Variants in DST observed in about 807,000 individuals in gnomAD.
The protein encoded by DST is dystonin.
A neutral mutation model predicts 875.2 loss-of-function variants in DST; 253 were observed. The ratio of observed to expected loss-of-function variants is 0.29; its 90% confidence interval spans 0.26 to 0.32. DST has a LOEUF of 0.32. DST is among the 10% of genes least tolerant of loss of function. The pLI is 1.00. For missense variants in DST, 8,287 were observed against 9,111.6 expected (o/e 0.91, Z 3.68); for synonymous variants, 3,124 against 3,197.1 (o/e 0.98, Z 0.77).
At chr6:56,768,395 T>G in intron 4 of DST, among the ~76,000 whole-genome samples, 1 of 152,092 alleles carries the variant, frequency 6.6e-6, no homozygotes, top group Non-Finnish European at 1.5e-5. Context: ...CCACACAAAT[T>G]TAGTAAAGTG....
rs1587154269 is a variant in DST at position 56,630,244 on chromosome 6, C to T, written c.4281+1G>A. On this transcript the variant is annotated splice_donor_variant, in intron 31 of 103. Coordinates refer to ENST00000680361, the MANE Select transcript of DST (RefSeq NM_001374736.1). LOFTEE classifies it high-confidence loss of function. ...AAAATATCCAAAAGTGAGTCTCATA[C>T]CTTTAAAGTACTTATTAGATTCTCA... The T allele has an allele frequency of 6.3e-7, 1 of 1,580,122 alleles. No homozygotes were observed. The highest frequency in any genetic ancestry group is 8.7e-7 in the Non-Finnish European group (1 of 1,151,654).
intron 10 of DST, among the ~76,000 whole-genome samples, chr6:56,659,456 G>C (rs1297603705): frequency 1.3e-5 from 2 of 152,098 alleles, no homozygotes; most frequent in East Asian, 3.9e-4. Flanking sequence ...CTAAAGGAGA[G>C]AGTATTTCAA....
chr6:56,539,081 A>C (rs536142811), intron 61 of DST, among the ~76,000 whole-genome samples: 1 of 152,178 alleles, frequency 6.6e-6, no homozygotes, highest in Admixed American at 6.5e-5. Context: ...GTAAATAAAC[A>C]TTCAAGGAAA....
At chr6:56,593,235 G>A (rs1298798142) in intron 48 of DST, among the ~76,000 whole-genome samples, 1 of 152,086 alleles carries the variant, frequency 6.6e-6, no homozygotes, top group East Asian at 1.9e-4. Flanking sequence ...TAGAGAGAAG[G>A]CTGGGCACTG....
intron 49 of DST, among the ~76,000 whole-genome samples, chr6:56,589,881 T>G (rs534314730): frequency 7.2e-4 from 109 of 152,330 alleles, no homozygotes; most frequent in African/African-American, 2.4e-3. Flanking sequence ...GCCCCAAAAA[T>G]TACATTTATG....
intron 34 of DST, among the ~76,000 whole-genome samples, chr6:56,626,395 T>C (rs915703721): frequency 6.6e-6 from 1 of 152,140 alleles, no homozygotes; most frequent in Non-Finnish European, 1.5e-5. Context: ...TTTAATATGT[T>C]TAGATACACA....
intron 4 of DST, among the ~76,000 whole-genome samples, chr6:56,799,227 C>T (rs1299005869): frequency 6.6e-6 from 1 of 152,038 alleles, no homozygotes; most frequent in Non-Finnish European, 1.5e-5. Flanking sequence ...CAGTGGCTTG[C>T]ACCTATAATC....
Position 56,651,036 on chromosome 6 carries a change from A to G in DST, c.1328-4T>C. ...TCAGGTGAGGAGACATCGACATCTA[A>G]AAACAGCAACATAAATTAATTATTT... On this transcript the variant is annotated splice_region_variant and splice_polypyrimidine_tract_variant and intron_variant, in intron 11 of 103. Transcript: ENST00000680361. 1 of 1,602,700 alleles carries G rather than the reference A, an allele frequency of 6.2e-7. No individual in the cohort carries two copies. The highest frequency in any genetic ancestry group is 8.5e-7 in the Non-Finnish European group (1 of 1,170,516).
At chr6:56,862,611 G>C (rs563641476) in intron 3 of DST, among the ~76,000 whole-genome samples, 8 of 152,074 alleles carry the variant, frequency 5.3e-5, no homozygotes, top group Non-Finnish European at 7.4e-5. Flanking sequence ...GTTATAAGTA[G>C]TTTGCCCGTA....
chr6:56,499,215 A>G (rs1386184589), intron 80 of DST, among the ~76,000 whole-genome samples: 1 of 152,132 alleles, frequency 6.6e-6, no homozygotes. Flanking sequence ...CCTATGTAAC[A>G]CATCACACAT....
intron 2 of DST, among the ~76,000 whole-genome samples, chr6:56,915,330 C>A (rs569072320): frequency 2.0e-5 from 3 of 152,294 alleles, no homozygotes; most frequent in Admixed American, 1.3e-4. Flanking sequence ...AACTTCCCAA[C>A]TGCAAATTCT....
At chr6:56,657,318 C>T (rs2099014144) in intron 10 of DST, among the ~76,000 whole-genome samples, 1 of 152,046 alleles carries the variant, frequency 6.6e-6, no homozygotes, top group African/African-American at 2.4e-5. Flanking sequence ...GAAAAGAACA[C>T]ATTTAAATGT....
intron 2 of DST, among the ~76,000 whole-genome samples, chr6:56,935,931 GA>G (rs913707131): frequency 1.2e-4 from 18 of 150,856 alleles, no homozygotes; most frequent in Admixed American, 6.6e-4. Context: ...CTCAAAAAGA[GA>G]AAAAAGAAAA....
chr6:56,807,063 T>C (rs2099753799), intron 4 of DST, among the ~76,000 whole-genome samples: 1 of 152,212 alleles, frequency 6.6e-6, no homozygotes, highest in Non-Finnish European at 1.5e-5. Context: ...CACTGACCTT[T>C]TTTTTGAGAC....
At chr6:56,618,368 C>T (rs1280221396) in intron 36 of DST, 3 of 1,614,150 alleles carry the variant, frequency 1.9e-6, no homozygotes, top group Non-Finnish European at 2.5e-6. Flanking sequence ...AGAGTGCTGG[C>T]ACTCCTTCAC....
chr6:56,747,974 C>G (rs770719429), intron 4 of DST, among the ~76,000 whole-genome samples: 3 of 152,064 alleles, frequency 2.0e-5, no homozygotes, highest in Non-Finnish European at 4.4e-5. Context: ...TCCAGTAACT[C>G]AGATAAAAAT....
chr6:56,618,671 C>G (rs775280775), intron 36 of DST: 49 of 1,613,680 alleles, frequency 3.0e-5, no homozygotes, highest in Non-Finnish European at 4.1e-5. Flanking sequence ...TTCTTGGGCT[C>G]TAGAGTTTTC....
At chr6:56,530,237 A>C in intron 64 of DST, 104 bp from the exon 65 acceptor site, 4 of 812,948 alleles carry the variant, frequency 4.9e-6, no homozygotes, top group Non-Finnish European at 7.0e-6. Flanking sequence ...TTTTCTGTAG[A>C]AACTATCTAA....
At chr6:56,849,423 C>T (rs912151539) in intron 4 of DST, among the ~76,000 whole-genome samples, 5 of 152,188 alleles carry the variant, frequency 3.3e-5, no homozygotes, top group East Asian at 3.9e-4. Context: ...GCATGAGCCA[C>T]GACACCTGGC....
Sources: gnomAD v4.1 joint callset for allele counts (sites outside exome capture counted in the v4.1 genomes callset) on GRCh38, gnomAD v4.1.1 for gene constraint, MANE v1.5 for transcripts, NCBI Gene and HGNC (gene_info 2026-07-23, HGNC 2026-07-21) for gene names.